Variants in BLM observed in about 807,000 individuals in gnomAD.
BLM encodes recQ-like DNA helicase BLM.
In BLM, 95 loss-of-function variants were observed where a neutral mutation model predicts 135.3. The observed-to-expected ratio is 0.70, with a 90% confidence interval of 0.59 to 0.83. The LOEUF (loss-of-function observed/expected upper bound fraction) is 0.83, where lower values mean the gene tolerates loss of function less well. Among genes scored for constraint, BLM ranks in the 40% least tolerant of loss-of-function variants. The pLI is 0.00. For synonymous variants in BLM, 520 were observed against 589.2 expected, an observed-to-expected ratio of 0.88 and a Z score of 1.70; for missense variants, 1,518 against 1,663.9, an observed-to-expected ratio of 0.91 and a Z score of 1.53.
At position 90,760,856 on chromosome 15, in the gene BLM, C is replaced by G; in HGVS notation, c.1483C>G (p.His495Asp). 1 of 1,614,018 alleles carries G rather than the reference C, an allele frequency of 6.2e-7. No individual in the cohort carries two copies. The highest frequency in any genetic ancestry group is 8.5e-7 in the Non-Finnish European group (1 of 1,180,016). The part of the protein sequence containing the change: ...NLFERPLFNT[H>D]LQKSFVSSNW... ...TTTTGAAAGGCCTTTATTCAATACC[C>G]ATTTACAGAAGTCCTTTGTAAGTAG... Residue 495 changes from histidine to aspartate, a missense_variant, in exon 7 of 22, where the codon CAT (histidine) becomes GAT (aspartate). Coordinates refer to ENST00000355112, the MANE Select transcript of BLM (RefSeq NM_000057.4).
rs182750695 is a variant in BLM at position 90,764,543 on chromosome 15, C to T, written c.2075-753C>T. ...TTTAAATTTTTTGTAGAGATGGGAT[C>T]TCACTGTGTTGCCCAAGTTGATCTC... On this transcript the variant is annotated intron_variant, in intron 8 of 21. Transcript: ENST00000355112. Among the ~76,000 whole-genome samples the T allele has an allele frequency of 2.2e-3, 336 of 151,880 alleles. 1 individual carries two copies. Among genetic ancestry groups the T allele is most frequent in the African/African-American group, 7.8e-3 (322 of 41,486 alleles).
chr15:90,772,394 A>AC (rs1366688787), intron 12 of BLM, among the ~76,000 whole-genome samples: 1 of 152,280 alleles, frequency 6.6e-6, no homozygotes, highest in East Asian at 1.9e-4. Context: ...CATAGAGTTA[A>AC]CTATAATAGA....
In BLM at chr15:90,741,816, A is replaced by C. The variant is rs113146843; in HGVS notation, c.-4-5573A>C. On this transcript the variant is annotated intron_variant, in intron 1 of 21. Transcript: ENST00000355112. ...TTTTGCATTGGCAAGAGCATCCAAT[A>C]TGGGAGTGAAAATGAGAGAACAATA... Among the ~76,000 whole-genome samples the C allele has an allele frequency of 7.3e-3, 1,115 of 152,320 alleles. 17 individuals are homozygous for C. The highest frequency in any genetic ancestry group is 0.025 in the African/African-American group (1,055 of 41,564).
At chr15:90,763,337 A>T (rs1225001508) in intron 8 of BLM, among the ~76,000 whole-genome samples, 180 bp downstream of exon 8, 4 of 152,182 alleles carry the variant, frequency 2.6e-5, no homozygotes, top group Admixed American at 2.6e-4. Context: ...TGTTGACATC[A>T]TGAAGTTTAT....
At position 90,807,294 on chromosome 15, in the gene BLM, A is replaced by G. The variant is rs529282383; in HGVS notation, c.3752-1843A>G. ...TAGTGCGGCCTCATCTACTTTGGGC[A>G]TCTTCTTTCTTAGGTCACGTAAAGC... On this transcript the variant is annotated intron_variant, in intron 19 of 21. Transcript: ENST00000355112. Among the ~76,000 whole-genome samples, 23 of 152,356 alleles carry G rather than the reference A, an allele frequency of 1.5e-4. No individual in the cohort carries two copies. The South Asian group carries it at 4.8e-3, about 32-fold the overall frequency.
chr15:90,733,152 C>T (rs1163336480), intron 1 of BLM, among the ~76,000 whole-genome samples: 1 of 151,794 alleles, frequency 6.6e-6, no homozygotes. Context: ...AATAAATTAG[C>T]CTAATAGAAA....
Position 90,765,285 on chromosome 15 carries a change from T to C in BLM, c.2075-11T>C, listed in dbSNP as rs780225598. The C allele has an allele frequency of 6.4e-7, 1 of 1,568,534 alleles. No homozygotes were observed. Among genetic ancestry groups the C allele is most frequent in the Non-Finnish European group, 8.8e-7 (1 of 1,138,672 alleles). Reference sequence around the variant, plus strand: ...GAACCTGACAGATATTTTTTCATTGTTCTCTTTCAGGAGGTGGTAAGAGTT... The same window carrying C: ...GAACCTGACAGATATTTTTTCATTGCTCTCTTTCAGGAGGTGGTAAGAGTT... On this transcript the variant is annotated splice_polypyrimidine_tract_variant and intron_variant, in intron 8 of 21. Coordinates refer to ENST00000355112, the MANE Select transcript of BLM (RefSeq NM_000057.4).
intron 12 of BLM, among the ~76,000 whole-genome samples, chr15:90,779,104 C>T (rs1490617382): frequency 1.3e-5 from 2 of 152,068 alleles, no homozygotes; most frequent in Non-Finnish European, 2.9e-5. Context: ...CCAGGCTGGT[C>T]TTGAACTCCT....
At chr15:90,802,353 C>A (rs1029726018) in intron 17 of BLM, among the ~76,000 whole-genome samples, 1 of 152,118 alleles carries the variant, frequency 6.6e-6, no homozygotes, top group Non-Finnish European at 1.5e-5. Flanking sequence ...TAGATTGTTA[C>A]AATAAAGTTG....
At chr15:90,812,910 C>G (rs939485012) in intron 21 of BLM, among the ~76,000 whole-genome samples, 2 of 152,210 alleles carry the variant, frequency 1.3e-5, no homozygotes, top group Non-Finnish European at 2.9e-5. Context: ...AAGTGCTCTT[C>G]AGTGAGAACA....
At chr15:90,801,731 A>G (rs1484676275) in intron 17 of BLM, among the ~76,000 whole-genome samples, 5 of 152,086 alleles carry the variant, frequency 3.3e-5, no homozygotes, top group African/African-American at 1.2e-4. Context: ...GGGGAAGGGA[A>G]GGATGAGTCA....
At chr15:90,773,293 G>A (rs1020408175) in intron 12 of BLM, among the ~76,000 whole-genome samples, 8 of 151,428 alleles carry the variant, frequency 5.3e-5, no homozygotes, top group Admixed American at 2.0e-4. Context: ...GGTGGTGGGC[G>A]CCTGTAATAC....
intron 4 of BLM, among the ~76,000 whole-genome samples, chr15:90,752,206 C>T (rs1414213843): frequency 6.7e-6 from 1 of 149,144 alleles, no homozygotes; most frequent in African/African-American, 2.5e-5. Context: ...GAGACAGTCT[C>T]GCTCTGTCAC....
At chr15:90,761,897 T>C (rs2151159729) in intron 7 of BLM, among the ~76,000 whole-genome samples, 1 of 152,288 alleles carries the variant, frequency 6.6e-6, no homozygotes, top group South Asian at 2.1e-4. Context: ...AATTAGCCAC[T>C]GAAGGCTCCA....
intron 2 of BLM, 85 bp downstream of exon 2, chr15:90,747,575 A>G: frequency 1.1e-5 from 9 of 847,476 alleles, no homozygotes; most frequent in South Asian, 5.8e-5. Flanking sequence ...AAACTCCCCC[A>G]TTGTACAGAT....
chr15:90,774,372 G>A (rs963271249), intron 12 of BLM, among the ~76,000 whole-genome samples: 1 of 151,238 alleles, frequency 6.6e-6, no homozygotes, highest in Non-Finnish European at 1.5e-5. Flanking sequence ...GCACCCGACC[G>A]CCTCCATCAT....
chr15:90,723,754 C>T lies in BLM; in HGVS notation c.-5+6314C>T, dbSNP rs575923561. Among the ~76,000 whole-genome samples, 65 of 152,228 alleles carry T rather than the reference C, an allele frequency of 4.3e-4. 1 individual carries two copies. Among genetic ancestry groups the T allele is most frequent in the Non-Finnish European group, 7.1e-4 (48 of 68,022 alleles). On this transcript the variant is annotated intron_variant, in intron 1 of 21. Transcript: ENST00000355112. ...TGTTGTATGGCAGATCTCTAGAATG[C>T]GTTCATTTTGCATTACTGAAACTTT...
intron 1 of BLM, among the ~76,000 whole-genome samples, chr15:90,736,799 AAAG>A (rs1895230154): frequency 6.6e-6 from 1 of 152,198 alleles, no homozygotes; most frequent in African/African-American, 2.4e-5. Context: ...TTTATGTAAG[AAAG>A]AAGGGAAAAT....
intron 14 of BLM, among the ~76,000 whole-genome samples, chr15:90,785,945 G>C (rs1347251893): frequency 6.8e-6 from 1 of 146,944 alleles, no homozygotes; most frequent in Non-Finnish European, 1.5e-5. Flanking sequence ...ATATAACACA[G>C]TTTGTTTATC....
Sources: gnomAD v4.1 joint callset for allele counts (sites outside exome capture counted in the v4.1 genomes callset) on GRCh38, gnomAD v4.1.1 for gene constraint, MANE v1.5 for transcripts, NCBI Gene and HGNC (gene_info 2026-07-23, HGNC 2026-07-21) for gene names.